The following CYP20A1 variants were observed in gnomAD, a reference collection of about 807,000 sequenced individuals.
CYP20A1 encodes the protein cytochrome P450 family 20 subfamily A member 1, also known as cytochrome P450 20A1.
A neutral mutation model predicts 61.4 loss-of-function variants in CYP20A1; 61 were observed. The ratio of observed to expected loss-of-function variants is 0.99; its 90% CI spans 0.81 to 1.23. CYP20A1 has a LOEUF of 1.23. Ranked by LOEUF, CYP20A1 falls within the 50% of genes most tolerant of loss-of-function variation. The probability of loss-of-function intolerance (pLI) is 0.00; values close to 1 mark genes in which losing one functional copy is unlikely to be tolerated. For synonymous variants in CYP20A1, 193 were observed against 188.2 expected (o/e 1.03, Z -0.21); for missense variants, 530 against 542.4 (o/e 0.98, Z 0.23).
chr2:203,247,194 G>A (rs1472442806), intron 3 of CYP20A1, among the ~76,000 whole-genome samples: 1 of 152,088 alleles, frequency 6.6e-6, no homozygotes, highest in Non-Finnish European at 1.5e-5. Context: ...CCCGGGGGCG[G>A]AGGCTGCAGT....
At chr2:203,252,249 C>A in intron 4 of CYP20A1, 140 bp downstream of exon 4, 1 of 640,052 alleles carries the variant, frequency 1.6e-6, no homozygotes, top group Non-Finnish European at 2.4e-6. Flanking sequence ...TTAAAAACGA[C>A]AACAATAACA....
intron 5 of CYP20A1, among the ~76,000 whole-genome samples, chr2:203,269,667 G>A (rs2067483645): frequency 6.6e-6 from 1 of 151,798 alleles, no homozygotes; most frequent in Non-Finnish European, 1.5e-5. Flanking sequence ...GCTAATTTTT[G>A]TACCTTTAGT....
At chr2:203,281,756 G>A (rs761532857) in intron 8 of CYP20A1, among the ~76,000 whole-genome samples, 21 of 151,868 alleles carry the variant, frequency 1.4e-4, no homozygotes, top group Non-Finnish European at 2.5e-4. Context: ...AGCTGAGATC[G>A]CACCACTGCA....
At chr2:203,250,890 C>T (rs2066640337) in intron 3 of CYP20A1, among the ~76,000 whole-genome samples, 1 of 151,644 alleles carries the variant, frequency 6.6e-6, no homozygotes, top group African/African-American at 2.4e-5. Context: ...CGGTGAAACC[C>T]CATCTCCACT....
At chr2:203,262,169 G>A (rs1456398994) in intron 4 of CYP20A1, among the ~76,000 whole-genome samples, 2 of 152,092 alleles carry the variant, frequency 1.3e-5, no homozygotes, top group African/African-American at 2.4e-5. Flanking sequence ...ATGCCAGGTG[G>A]CAAAGGAAAA....
chr2:203,248,812 C>G (rs1158754091), intron 3 of CYP20A1, among the ~76,000 whole-genome samples: 1 of 152,154 alleles, frequency 6.6e-6, no homozygotes, highest in Non-Finnish European at 1.5e-5. Context: ...TGGGCTCAAG[C>G]AATCCTCCCA....
At position 203,302,768 on chromosome 2, in the gene CYP20A1, C is replaced by G. The variant is rs563013079; in HGVS notation, c.*5860C>G. Among the ~76,000 whole-genome samples, 6 of 152,236 alleles carry G rather than the reference C, an allele frequency of 3.9e-5. No individual in the cohort carries two copies. The East Asian group carries it at 5.8e-4, about 15-fold the overall frequency. On this transcript the variant is annotated 3_prime_UTR_variant, in exon 13 of 13. Transcript: ENST00000356079. ...AATGCAGTGGCGTGATCTCGGCTCA[C>G]TGCAACCTCTGCCTCCCAGGTTCAA...
chr2:203,249,125 T>C (rs2105904806), intron 3 of CYP20A1, among the ~76,000 whole-genome samples: 1 of 152,352 alleles, frequency 6.6e-6, no homozygotes, highest in East Asian at 1.9e-4. Context: ...TTGGAGAGAA[T>C]GTAGATAAAC....
At chr2:203,246,043 C>T (rs930513386) in intron 2 of CYP20A1, 148 bp downstream of exon 2, 2 of 585,340 alleles carry the variant, frequency 3.4e-6, no homozygotes, top group Middle Eastern at 4.6e-4. Context: ...GAGTTTAATG[C>T]TTCAGTGAGC....
At chr2:203,254,547 CAAAA>C (rs377673483) in intron 4 of CYP20A1, among the ~76,000 whole-genome samples, 1 of 101,578 alleles carries the variant, frequency 9.8e-6, no homozygotes, top group Non-Finnish European at 2.1e-5. Context: ...AGACTCGTCT[CAAAA>C]AAAAAAAAAA....
chr2:203,305,781 G>T lies in CYP20A1; in HGVS notation c.*8873G>T, dbSNP rs1025433155. On this transcript the variant is annotated 3_prime_UTR_variant, in exon 13 of 13. Coordinates refer to ENST00000356079, the MANE Select transcript of CYP20A1 (RefSeq NM_177538.3). ...AACCAGTAAATATTTTTGAGTAAAT[G>T]AATGAAATCTTTATTGCCGGTGTTC... Among the ~76,000 whole-genome samples, 2 of 152,144 alleles carry T rather than the reference G, an allele frequency of 1.3e-5. No homozygotes were observed. The highest frequency in any genetic ancestry group is 4.1e-4 in the South Asian group (2 of 4,826).
intron 3 of CYP20A1, among the ~76,000 whole-genome samples, chr2:203,249,228 A>G (rs1377432260): frequency 6.6e-6 from 1 of 152,226 alleles, no homozygotes; most frequent in Non-Finnish European, 1.5e-5. Flanking sequence ...AATAACAAAC[A>G]TCTTGAATGG....
chr2:203,288,627 G>A lies in CYP20A1; in HGVS notation c.972-1138G>A, dbSNP rs183401295. Among the ~76,000 whole-genome samples the A allele has an allele frequency of 4.0e-4, 61 of 152,270 alleles. No individual in the cohort carries two copies. In the East Asian group the frequency reaches 0.012, roughly 29 times the overall value. On this transcript the variant is annotated intron_variant, in intron 9 of 12. Coordinates refer to ENST00000356079, the MANE Select transcript of CYP20A1 (RefSeq NM_177538.3). ...GCAATAAATATTTATACAGAGGAAA[G>A]GAAGGAAGAATGTTTCCCCTTTTGA...
intron 1 of CYP20A1, among the ~76,000 whole-genome samples, chr2:203,244,528 A>G (rs1199553978): frequency 7.9e-5 from 12 of 151,400 alleles, no homozygotes; most frequent in Admixed American, 7.9e-4. Context: ...TGTTTCTTGC[A>G]TCATCATAAT....
At chr2:203,260,659 C>G (rs528553798) in intron 4 of CYP20A1, among the ~76,000 whole-genome samples, 1 of 152,260 alleles carries the variant, frequency 6.6e-6, no homozygotes, top group South Asian at 2.1e-4. Flanking sequence ...GCTAGGATTA[C>G]AGGTGTGTGC....
rs1445844039 is a variant in CYP20A1, at chr2:203,278,558, G to GT, written c.680-8dup. The GT allele has an allele frequency of 9.0e-6, 12 of 1,334,956 alleles. No individual in the cohort carries two copies. The highest frequency in any genetic ancestry group is 1.4e-5 in the South Asian group (1 of 72,718). 82.7% of individuals were successfully genotyped at this position (1,334,956 alleles called of 1,614,324 possible). ...AATGCTTGTATTCTAAAATTATTTT[G>GT]TTTTTTTCTCTAAGCCCTCATGCAA... On this transcript the variant is annotated splice_polypyrimidine_tract_variant and intron_variant, in intron 6 of 12. Transcript: ENST00000356079.
chr2:203,272,025 T>G (rs1211443635), intron 5 of CYP20A1, among the ~76,000 whole-genome samples: 1 of 152,198 alleles, frequency 6.6e-6, no homozygotes, highest in Non-Finnish European at 1.5e-5. Flanking sequence ...AGACTCTGTC[T>G]CGGCGTGGGG....
In CYP20A1 at chr2:203,304,457, A is replaced by C. The variant is rs368306008; in HGVS notation, c.*7549A>C. On this transcript the variant is annotated 3_prime_UTR_variant, in exon 13 of 13. Transcript: ENST00000356079. ...TGTGATCTGTCCACCGCGGCTTCCC[A>C]AAGTGCTGGGATTACAGGTGTGAGC... 2.1e-4 allele frequency among the ~76,000 whole-genome samples: 32 copies of C among 152,234 alleles called. No homozygotes were observed. In the East Asian group the frequency reaches 2.3e-3, roughly 11 times the overall value.
At chr2:203,288,173 C>G (rs767686699) in intron 9 of CYP20A1, among the ~76,000 whole-genome samples, 1 of 146,392 alleles carries the variant, frequency 6.8e-6, no homozygotes, top group African/African-American at 2.5e-5. Context: ...TCAAACGATT[C>G]TCATGCCGCA....
Sources: gnomAD v4.1 joint callset for allele counts (sites outside exome capture counted in the v4.1 genomes callset) on GRCh38, gnomAD v4.1.1 for gene constraint, MANE v1.5 for transcripts, NCBI Gene and HGNC (gene_info 2026-07-23, HGNC 2026-07-21) for gene names.